Variants in CATSPER2 observed in about 807,000 individuals in gnomAD.
CATSPER2 encodes the protein cation channel sperm associated 2.
CATSPER2 carries 56 observed loss-of-function variants against 68.8 expected under a neutral mutation model. The ratio of observed to expected loss-of-function variants is 0.81; its 90% CI spans 0.66 to 1.02. CATSPER2 has a LOEUF of 1.02. Among genes scored for constraint, CATSPER2 ranks in the 50% least tolerant of loss-of-function variants. The pLI, the probability that CATSPER2 is intolerant of heterozygous loss-of-function variation, is 0.00. For missense variants in CATSPER2, 582 were observed against 642.0 expected, an observed-to-expected ratio of 0.91 and a Z score of 1.01; for synonymous variants, 198 against 229.9, an observed-to-expected ratio of 0.86 and a Z score of 1.26.
At chr15:43,645,274 T>G (rs1286655291) in intron 4 of CATSPER2, among the ~76,000 whole-genome samples, 1 of 151,584 alleles carries the variant, frequency 6.6e-6, no homozygotes, top group Non-Finnish European at 1.5e-5. Flanking sequence ...CAGGCTGGTC[T>G]CAAACTCCTG....
In CATSPER2 at chr15:43,639,017, G is replaced by A. The variant is rs776848098; in HGVS notation, c.729C>T (p.Phe243=). 2 of 1,612,530 alleles carry A rather than the reference G, an allele frequency of 1.2e-6. No individual in the cohort carries two copies. The highest frequency in any genetic ancestry group is 2.2e-5 in the South Asian group (2 of 91,006). Residue 243 remains phenylalanine (F), a synonymous_variant, in exon 7 of 13, where the codon TTC becomes TTT. Transcript: ENST00000396879. ...AGAAGATGAGCAGCAACATCAAGAG[G>A]AAGGTCATGCTCTAGAGGCCATAAC... The part of the protein sequence containing the change: ...VLVRALKSMT[F]LLMLLLIFFY...
chr15:43,640,748 A>C (rs1487762455), intron 4 of CATSPER2, among the ~76,000 whole-genome samples: 1 of 151,654 alleles, frequency 6.6e-6, no homozygotes, highest in African/African-American at 2.4e-5. Context: ...GCTACAAGTC[A>C]CTTGCGATCC....
At position 43,636,119 on chromosome 15, in the gene CATSPER2, T is replaced by C. The variant is rs745711518; in HGVS notation, c.943A>G (p.Ile315Val). The change falls in exon 8 of 13, where the codon ATC (isoleucine) becomes GTC (valine). Residue 315 changes from isoleucine to valine, a missense_variant. By Grantham distance (29) the Ile-to-Val change is conservative (BLOSUM62 3). Coordinates refer to ENST00000396879, the MANE Select transcript of CATSPER2 (RefSeq NM_172095.4). ...DVWKVPEVSR[I>V]FSSIYFILWL... ...AGGATGAAATAGATGCTGCTGAAGA[T>C]GCGACTGACTTCAGGCACCTTCCAG... is the stretch of plus-strand genomic sequence containing the variant. The C allele has an allele frequency of 1.9e-6, 3 of 1,602,374 alleles. No homozygotes were observed. Among genetic ancestry groups the C allele is most frequent in the Admixed American group, 3.4e-5 (2 of 59,350 alleles).
rs947527884 is a variant in CATSPER2, at chr15:43,635,656, A to G, written c.1121+71T>C. 15 of 1,420,248 alleles carry G rather than the reference A, an allele frequency of 1.1e-5. 1 individual carries two copies. Among genetic ancestry groups the G allele is most frequent in the South Asian group, 4.7e-5 (4 of 84,722 alleles). The allele number at this position is 1,420,248 out of a possible 1,614,324, so 88.0% of individuals were successfully genotyped here. A position where few individuals can be genotyped will look rare whatever the true frequency, so the allele number is the denominator to read the frequency against. ...TCACAAAGGGAAAAGTGGGGTCGAGAAGTAGAAACAAGAAATGAGCTCAGG... is the reference window on the plus strand; with the variant it reads ...TCACAAAGGGAAAAGTGGGGTCGAGGAGTAGAAACAAGAAATGAGCTCAGG... On this transcript the variant is annotated intron_variant, in intron 9 of 12. Coordinates refer to ENST00000396879, the MANE Select transcript of CATSPER2 (RefSeq NM_172095.4).
At position 43,639,686 on chromosome 15, in the gene CATSPER2, C is replaced by A. The variant is rs141352021; in HGVS notation, c.674G>T (p.Arg225Leu). 1 of 1,613,144 alleles carries A rather than the reference C, an allele frequency of 6.2e-7. No homozygotes were observed. The highest frequency in any genetic ancestry group is 1.7e-5 in the Admixed American group (1 of 59,940). ...GACCAAAATAATAATTTGAATTTGA[C>A]GGAATTGTGCAAGGAGTTTGAGAGA... ...LRSLKLLAQF[R>L]QIQIIILVLV... The change falls in exon 6 of 13, where the codon CGT becomes CTT. Residue 225 changes from arginine (R) to leucine (L), a missense_variant. Physicochemically the swap from Arg to Leu is moderately radical, Grantham distance 102 (BLOSUM62 -2). Around this residue, in one of 5 missense-constraint regions of CATSPER2, gnomAD observed 91 missense variants for 72.8 expected, o/e 1.25. Coordinates refer to ENST00000396879, the MANE Select transcript of CATSPER2 (RefSeq NM_172095.4).
At chr15:43,633,818 A>C (rs1384766410) in intron 10 of CATSPER2, 1 of 151,768 alleles carries the variant, frequency 6.6e-6, no homozygotes, top group Non-Finnish European at 1.5e-5. Flanking sequence ...TTAGCCAGGC[A>C]TGGTGGCGGA....
Position 43,631,226 on chromosome 15 carries a change from A to C in CATSPER2, c.1562-494T>G, listed in dbSNP as rs143882093. ...ATTAAATCATTAAAATCCACCCCTA[A>C]ATCTTCTGTTTTTGGTTTGTCTTGA... On this transcript the variant is annotated intron_variant, in intron 12 of 12. Coordinates refer to ENST00000396879, the MANE Select transcript of CATSPER2 (RefSeq NM_172095.4). 8.7e-4 allele frequency among the ~76,000 whole-genome samples: 132 copies of C among 151,876 alleles called. 5 individuals are homozygous for C. The highest frequency in any genetic ancestry group is 3.4e-3 in the Middle Eastern group (1 of 294).
chr15:43,647,583 C>T (rs1823695083), intron 2 of CATSPER2, 116 bp from the exon 3 acceptor site: 3 of 958,340 alleles, frequency 3.1e-6, no homozygotes, highest in Non-Finnish European at 5.1e-6. Flanking sequence ...ACTGCTAGTC[C>T]TTCTCTTCTC....
In CATSPER2 at chr15:43,639,752, G is replaced by A. The variant is rs781714778; in HGVS notation, c.608C>T (p.Ser203Leu). The change falls in exon 6 of 13, where the codon TCG (serine) becomes TTG (leucine). Residue 203 changes from serine (S) to leucine (L), a missense_variant. Ser to Leu is a moderately radical substitution (Grantham distance 145, BLOSUM62 -2). Coordinates refer to ENST00000396879, the MANE Select transcript of CATSPER2 (RefSeq NM_172095.4). The part of the protein sequence containing the change: ...VVVLVGVTGQ[S>L]VWLQLLRICR... Reference sequence around the variant, plus strand: ...GATCCTCAGAAGCTGAAGCCACACCGATTGGCCTGTTACCCCTACCAATAC... The same window carrying A: ...GATCCTCAGAAGCTGAAGCCACACCAATTGGCCTGTTACCCCTACCAATAC... 3.7e-6 allele frequency: 6 copies of A among 1,611,934 alleles called. No individual in the cohort carries two copies. The highest frequency in any genetic ancestry group is 4.2e-6 in the Non-Finnish European group (5 of 1,178,550).
intron 4 of CATSPER2, among the ~76,000 whole-genome samples, chr15:43,643,465 G>T (rs2086107501): frequency 6.6e-6 from 1 of 151,588 alleles, no homozygotes; most frequent in Admixed American, 6.6e-5. Context: ...AGCCTCCGGA[G>T]AAACTGGGAC....
chr15:43,635,424 G>T lies in CATSPER2; in HGVS notation c.1122-8C>A. ...TGTGACATGTTTTTTCTCCTGCAGA[G>T]CAAAAAAAAAAAAGAGCAAAGACAG... On this transcript the variant is annotated splice_polypyrimidine_tract_variant and splice_region_variant and intron_variant, in intron 9 of 12. Transcript: ENST00000396879. The T allele has an allele frequency of 6.3e-7, 1 of 1,589,384 alleles. No homozygotes were observed.
At chr15:43,636,547 C>T (rs1298332226) in intron 7 of CATSPER2, among the ~76,000 whole-genome samples, 38 of 151,122 alleles carry the variant, frequency 2.5e-4, no homozygotes, top group African/African-American at 3.4e-4. Flanking sequence ...TGCACCACCA[C>T]GCCCAGCTAA....
rs1442938155 is a variant in CATSPER2, at chr15:43,648,771, C to G, written c.-145G>C. The G allele has an allele frequency of 6.5e-7, 1 of 1,528,804 alleles. No homozygotes were observed. Among genetic ancestry groups the G allele is most frequent in the Non-Finnish European group, 8.8e-7 (1 of 1,141,680 alleles). 94.7% of individuals were successfully genotyped at this position (1,528,804 alleles called of 1,614,324 possible). ...ACTGCGCCCCATTCCCCGCCCCGCT[C>G]GACCCCCAGGTTTCGGCTCACCCCG... is the stretch of plus-strand genomic sequence containing the variant. On this transcript the variant is annotated 5_prime_UTR_variant, in exon 1 of 13. Transcript: ENST00000396879.
intron 10 of CATSPER2, 196 bp from the exon 11 acceptor site, chr15:43,633,130 A>T: frequency 1.2e-6 from 1 of 861,232 alleles, no homozygotes; most frequent in East Asian, 2.8e-5. Context: ...CTCCCCTCCC[A>T]TATCCAGTCC....
At chr15:43,640,522 T>G (rs1335482329) in intron 4 of CATSPER2, 26 bp from the exon 5 acceptor site, 1 of 1,612,794 alleles carries the variant, frequency 6.2e-7, no homozygotes, top group Admixed American at 1.7e-5. Context: ...AAAGGAGGAA[T>G]AAAAGTTAAG....
At chr15:43,638,641 T>C (rs1286822263) in intron 7 of CATSPER2, among the ~76,000 whole-genome samples, 2 of 151,622 alleles carry the variant, frequency 1.3e-5, no homozygotes, top group Non-Finnish European at 2.9e-5. Flanking sequence ...ACCACTGGAG[T>C]GTACTGCTAT....
intron 4 of CATSPER2, among the ~76,000 whole-genome samples, chr15:43,643,461 C>T (rs1379897064): frequency 4.0e-5 from 6 of 151,662 alleles, no homozygotes; most frequent in Admixed American, 2.0e-4. Flanking sequence ...CCTCAGCCTC[C>T]GGAGAAACTG....
chr15:43,645,956 A>G (rs1344967720), intron 4 of CATSPER2, among the ~76,000 whole-genome samples: 1 of 152,046 alleles, frequency 6.6e-6, no homozygotes, highest in African/African-American at 2.4e-5. Context: ...TATTGGTTTC[A>G]GAATCATTTC....
Position 43,638,922 on chromosome 15 carries a change from T to C in CATSPER2, c.824A>G (p.Glu275Gly), listed in dbSNP as rs539776990. The C allele has an allele frequency of 3.5e-5, 56 of 1,613,014 alleles. 1 individual carries two copies. The East Asian group carries it at 1.2e-3, about 35-fold the overall frequency. The change falls in exon 7 of 13, where the codon GAG becomes GGG. Residue 275 changes from glutamate to glycine, a missense_variant. Around this residue, in one of 5 missense-constraint regions of CATSPER2, gnomAD observed 91 missense variants for 72.8 expected, o/e 1.25. Transcript: ENST00000396879. The stretch of plus-strand genomic sequence containing the variant: ...TGCTTACGAGAAGAACACATGGTAC[T>C]CCAGGTCCTGACGAGGTGAACGGGT... ...EYTRSPRQDL[E>G]YHVFFSDLPN...
Sources: allele counts gnomAD v4.1 joint callset (sites outside exome capture counted in the v4.1 genomes callset), GRCh38; gene constraint gnomAD v4.1.1; regional missense constraint gnomAD v4.1.1; transcripts MANE v1.5; gene names NCBI Gene and HGNC (gene_info 2026-07-23, HGNC 2026-07-21).